DNM3: variants seen among roughly 807,000 people sequenced by gnomAD.
DNM3 encodes the protein dynamin-3.
A neutral mutation model predicts 101.6 loss-of-function variants in DNM3; 47 were observed. The observed-to-expected ratio is 0.46, with a 90% confidence interval of 0.37 to 0.59. The LOEUF (loss-of-function observed/expected upper bound fraction) is 0.59. DNM3 is among the 20% of genes least tolerant of loss of function. The pLI is 0.00. For synonymous variants in DNM3, 385 were observed against 387.9 expected, an observed-to-expected ratio of 0.99 and a Z score of 0.09; for missense variants, 849 against 1,085.7, an observed-to-expected ratio of 0.78 and a Z score of 3.06.
chr1:172,291,310 G>C (rs1446116877), intron 15 of DNM3, among the ~76,000 whole-genome samples: 1 of 152,132 alleles, frequency 6.6e-6, no homozygotes, highest in African/African-American at 2.4e-5. Context: ...TCAGATGGCT[G>C]CTTTTAAGGC....
chr1:171,876,749 A>C (rs1246078339), intron 1 of DNM3, among the ~76,000 whole-genome samples: 6 of 152,184 alleles, frequency 3.9e-5, no homozygotes, highest in Non-Finnish European at 8.8e-5. Flanking sequence ...ATTACTACTA[A>C]AGTACTGTGT....
At chr1:172,023,694 C>T (rs1230216507) in intron 4 of DNM3, among the ~76,000 whole-genome samples, 1 of 151,916 alleles carries the variant, frequency 6.6e-6, no homozygotes, top group Non-Finnish European at 1.5e-5. Context: ...TGAGTTTGTT[C>T]AATCCATAAA....
chr1:172,071,958 C>T (rs146209819), intron 11 of DNM3, among the ~76,000 whole-genome samples: 1 of 152,294 alleles, frequency 6.6e-6, no homozygotes, highest in East Asian at 1.9e-4. Context: ...AACACAGACT[C>T]CCAGTTTCCA....
chr1:172,313,186 A>G (rs1385832666), intron 16 of DNM3, among the ~76,000 whole-genome samples: 2 of 152,254 alleles, frequency 1.3e-5, no homozygotes, highest in Non-Finnish European at 2.9e-5. Context: ...AAAATTTGAT[A>G]TCATTAAATA....
chr1:172,330,984 T>C (rs10489287), intron 17 of DNM3, among the ~76,000 whole-genome samples: 3 of 151,966 alleles, frequency 2.0e-5, no homozygotes, highest in Non-Finnish European at 2.9e-5. Flanking sequence ...TCTTTTCCGT[T>C]TACTCTGCCT....
In DNM3 at chr1:172,337,886, ATTTTATTTTATTTTATTTTAT is replaced by A. The variant is rs1444812067; in HGVS notation, c.1893+14550_1893+14570del. Among the ~76,000 whole-genome samples, 9 of 131,988 alleles carry A rather than the reference ATTTTATTTTATTTTATTTTAT, an allele frequency of 6.8e-5. No individual in the cohort carries two copies. In the Admixed American group the frequency reaches 6.9e-4, roughly 10 times the overall value. The allele number at this position is 131,988 out of a possible 152,430, so 86.6% of individuals were successfully genotyped here. Reference sequence around the variant, plus strand: ...TTTTATTTTTATTTTATTTTATTTTATTTTATTTTATTTTATTTTATTTTATTTTATTTTATTTTATTATTT... The same window carrying A: ...TTTTATTTTTATTTTATTTTATTTTATTTATTTTATTTTATTTTATTATTT... On this transcript the variant is annotated intron_variant, in intron 17 of 20. Transcript: ENST00000627582.
chr1:172,174,881 G>T (rs2059100064), intron 14 of DNM3, among the ~76,000 whole-genome samples: 1 of 151,664 alleles, frequency 6.6e-6, no homozygotes, highest in South Asian at 2.1e-4. Flanking sequence ...TCACAAAATG[G>T]TTCAGAAAGT....
chr1:172,395,692 C>T (rs2069923335), intron 20 of DNM3, among the ~76,000 whole-genome samples: 1 of 152,196 alleles, frequency 6.6e-6, no homozygotes, highest in Admixed American at 6.5e-5. Context: ...TTTTAAAACA[C>T]TCGACATTGA....
intron 15 of DNM3, among the ~76,000 whole-genome samples, chr1:172,296,897 C>T (rs1473241746): frequency 6.6e-6 from 1 of 152,174 alleles, no homozygotes; most frequent in Non-Finnish European, 1.5e-5. Flanking sequence ...AATCCTAGCA[C>T]TTTGGGAGGC....
At chr1:171,958,829 G>A (rs140549017) in intron 2 of DNM3, among the ~76,000 whole-genome samples, 20 of 152,180 alleles carry the variant, frequency 1.3e-4, no homozygotes, top group South Asian at 2.1e-4. Context: ...TGTTACATTC[G>A]TTTCTAAGTA....
intron 14 of DNM3, among the ~76,000 whole-genome samples, chr1:172,173,827 T>C (rs1015724470): frequency 2.0e-5 from 3 of 151,744 alleles, no homozygotes; most frequent in Non-Finnish European, 1.5e-5. Flanking sequence ...TAATTTTATA[T>C]TTTGCGGTGA....
chr1:172,049,816 G>A (rs982536922), intron 10 of DNM3, among the ~76,000 whole-genome samples: 62 of 152,120 alleles, frequency 4.1e-4, no homozygotes, highest in African/African-American at 1.4e-3. Context: ...GAATGAGAAT[G>A]AATATGAATA....
chr1:172,076,284 C>T (rs1278976055), intron 11 of DNM3, among the ~76,000 whole-genome samples: 1 of 152,096 alleles, frequency 6.6e-6, no homozygotes, highest in Admixed American at 6.6e-5. Context: ...AACTTCCTCT[C>T]TTTTTATTTG....
chr1:172,297,535 G>C (rs1320692656), intron 15 of DNM3, among the ~76,000 whole-genome samples: 2 of 151,806 alleles, frequency 1.3e-5, no homozygotes, highest in African/African-American at 2.4e-5. Flanking sequence ...TCTCTTTGTT[G>C]GTTTATTTTA....
At chr1:171,884,535 C>A (rs1040519978) in intron 1 of DNM3, among the ~76,000 whole-genome samples, 3 of 152,202 alleles carry the variant, frequency 2.0e-5, no homozygotes, top group Non-Finnish European at 4.4e-5. Context: ...CACCCCAAAA[C>A]TTAGTGGCTT....
intron 10 of DNM3, 82 bp from the exon 11 acceptor site, chr1:172,068,737 A>G: frequency 1.6e-6 from 2 of 1,246,102 alleles, no homozygotes; most frequent in Non-Finnish European, 2.3e-6. Flanking sequence ...TATCTTCTGT[A>G]AAATAACATA....
At chr1:172,343,293 T>C (rs1435906354) in intron 17 of DNM3, among the ~76,000 whole-genome samples, 4 of 152,168 alleles carry the variant, frequency 2.6e-5, no homozygotes, top group Admixed American at 2.6e-4. Context: ...TCTTGCGATG[T>C]TCTTAGAGAC....
chr1:172,187,659 G>T (rs73043064), intron 14 of DNM3, among the ~76,000 whole-genome samples: 1 of 152,058 alleles, frequency 6.6e-6, no homozygotes, highest in Non-Finnish European at 1.5e-5. Flanking sequence ...ATGCATGGAG[G>T]TGGGGTTGCG....
chr1:172,340,436 C>T (rs1233797559), intron 17 of DNM3, among the ~76,000 whole-genome samples: 2 of 152,218 alleles, frequency 1.3e-5, no homozygotes, highest in African/African-American at 4.8e-5. Context: ...GTCTCCCATA[C>T]TGGTCCCCTG....
Sources: gnomAD v4.1 joint callset for allele counts (sites outside exome capture counted in the v4.1 genomes callset) on GRCh38, gnomAD v4.1.1 for gene constraint, MANE v1.5 for transcripts, NCBI Gene and HGNC (gene_info 2026-07-23, HGNC 2026-07-21) for gene names.